Variants in SLC6A12 observed in about 807,000 individuals in gnomAD.
The protein encoded by SLC6A12 is sodium- and chloride-dependent betaine transporter.
A neutral mutation model predicts 73.3 loss-of-function variants in SLC6A12; 50 were observed. The ratio of observed to expected loss-of-function variants is 0.68; its 90% CI spans 0.54 to 0.86. The LOEUF (loss-of-function observed/expected upper bound fraction) is 0.86. Among genes scored for constraint, SLC6A12 ranks in the 40% least tolerant of loss-of-function variants. The pLI is 0.00. For missense variants in SLC6A12, 648 were observed against 772.8 expected, an observed-to-expected ratio of 0.84 and a Z score of 1.92; for synonymous variants, 304 against 309.2, an observed-to-expected ratio of 0.98 and a Z score of 0.18.
chr12:203,791 C>T (rs1242538017), intron 4 of SLC6A12: 2 of 146,026 alleles, frequency 1.4e-5, no homozygotes, highest in African/African-American at 5.0e-5. Context: ...AGAAGGGGCT[C>T]GCGGGGGAGC....
At position 191,053 on chromosome 12, in the gene SLC6A12, G is replaced by A; in HGVS notation, c.*15C>T. On this transcript the variant is annotated 3_prime_UTR_variant, in exon 16 of 16. Transcript: ENST00000684302. ...AGGTTCCCGGCTTAGGAGCCGCCTG[G>A]CCTCTGGCCACACCCTACAAATGGG... is the stretch of plus-strand genomic sequence containing the variant. 2 of 1,304,292 alleles carry A rather than the reference G, an allele frequency of 1.5e-6. No homozygotes were observed. The highest frequency in any genetic ancestry group is 2.0e-6 in the Non-Finnish European group (2 of 1,016,412). The allele number at this position is 1,304,292 out of a possible 1,614,324, so 80.8% of individuals were successfully genotyped here. A position where few individuals can be genotyped will look rare whatever the true frequency, so the allele number is the denominator to read the frequency against.
chr12:200,755 T>C lies in SLC6A12; in HGVS notation c.607A>G (p.Ile203Val), dbSNP rs143648821. The C allele has an allele frequency of 2.9e-4, 475 of 1,613,972 alleles. 1 individual carries two copies. Among genetic ancestry groups the C allele is most frequent in the Non-Finnish European group, 3.5e-4 (417 of 1,179,942 alleles). ...CAGCGCAGGGAGCCCAGGTCATGGA[T>C]GCCCGAGGTGATGCCCAGAACTCGT... ...ERRVLGITSGIHDLGSLRWEL... is the reference protein window; with the variant it reads ...ERRVLGITSGVHDLGSLRWEL... The change falls in exon 7 of 16, where the codon ATC becomes GTC. Residue 203 changes from isoleucine to valine, a missense_variant. Physicochemically the swap from Ile to Val is conservative, Grantham distance 29. Coordinates refer to ENST00000684302, the MANE Select transcript of SLC6A12 (RefSeq NM_001122848.3).
chr12:210,066 G>A (rs1367921507), intron 2 of SLC6A12, 23 bp from the exon 3 acceptor site: 3 of 1,554,760 alleles, frequency 1.9e-6, no homozygotes, highest in South Asian at 2.4e-5. Flanking sequence ...GAAGAAATTA[G>A]CTGTAAAACC....
chr12:202,371 T>C (rs1940316865), intron 5 of SLC6A12, among the ~76,000 whole-genome samples: 1 of 152,244 alleles, frequency 6.6e-6, no homozygotes, highest in African/African-American at 2.4e-5. Context: ...CACCAGACTG[T>C]AAACACAGTG....
chr12:195,340 C>A lies in SLC6A12; in HGVS notation c.1327-13G>T. The A allele has an allele frequency of 6.4e-7, 1 of 1,561,398 alleles. No individual in the cohort carries two copies. Among genetic ancestry groups the A allele is most frequent in the Non-Finnish European group, 8.8e-7 (1 of 1,131,962 alleles). On this transcript the variant is annotated splice_polypyrimidine_tract_variant and intron_variant, in intron 12 of 15. Coordinates refer to ENST00000684302, the MANE Select transcript of SLC6A12 (RefSeq NM_001122848.3). ...TGTACATCCCGCCCTGTGGGGAGAG[C>A]GTGGAGCTGGGGCATGGCCAGTGCA...
chr12:207,538 CTAAT>C (rs1362083602), intron 3 of SLC6A12, among the ~76,000 whole-genome samples: 2 of 152,116 alleles, frequency 1.3e-5, no homozygotes, highest in African/African-American at 4.8e-5. Context: ...ACTATGTTTA[CTAAT>C]TAATAATCAA....
intron 1 of SLC6A12, among the ~76,000 whole-genome samples, chr12:212,461 G>A (rs1260137746): frequency 1.3e-5 from 2 of 152,106 alleles, no homozygotes; most frequent in African/African-American, 2.4e-5. Context: ...CAGAAATAGG[G>A]GAAGTGCAAA....
chr12:198,787 C>T lies in SLC6A12; in HGVS notation c.846+10G>A, dbSNP rs768452651. 39 of 1,613,596 alleles carry T rather than the reference C, an allele frequency of 2.4e-5. No homozygotes were observed. Among genetic ancestry groups the T allele is most frequent in the African/African-American group, 1.5e-4 (11 of 74,920 alleles). Reference sequence around the variant, plus strand: ...GGCACCTGGGGAAGTGGTCCCAGCACGGTACATACCTGAGGGTCCTTGAGG... The same window carrying T: ...GGCACCTGGGGAAGTGGTCCCAGCATGGTACATACCTGAGGGTCCTTGAGG... On this transcript the variant is annotated intron_variant, in intron 8 of 15. Transcript: ENST00000684302. This position sits in a 1 kb window ranked among gnomAD's most constrained non-coding sequence, Gnocchi z 4.0.
At chr12:199,220 T>C (rs530929241) in intron 7 of SLC6A12, among the ~76,000 whole-genome samples, 2 of 152,334 alleles carry the variant, frequency 1.3e-5, no homozygotes, top group East Asian at 3.9e-4. Context: ...CCAAGACCAT[T>C]TTTTTCCTCT....
rs1044859657 is a variant in SLC6A12 at position 209,980 on chromosome 12, C to G, written c.7G>C (p.Gly3Arg). The G allele has an allele frequency of 6.2e-7, 1 of 1,614,068 alleles. No homozygotes were observed. Among genetic ancestry groups the G allele is most frequent in the African/African-American group, 1.3e-5 (1 of 75,050 alleles). ...CCACACTCTTGCACTGCCACCTTCC[C>G]GTCCATGGCTGTGTGGTGGGTTGGG... is the stretch of plus-strand genomic sequence containing the variant. The part of the protein sequence containing the change: MD[G>R]KVAVQECGPP... Residue 3 changes from glycine (G) to arginine (R), a missense_variant, in exon 3 of 16, where the codon GGG becomes CGG. By Grantham distance (125) the Gly-to-Arg change is moderately radical (BLOSUM62 -2). Transcript: ENST00000684302.
At chr12:202,670 G>C in intron 5 of SLC6A12, 70 bp downstream of exon 5, 4 of 1,506,674 alleles carry the variant, frequency 2.7e-6, no homozygotes, top group Non-Finnish European at 3.6e-6. Context: ...CCCCGTCGTT[G>C]CTTGGATTCA....
chr12:212,891 A>AG (rs148939393), intron 1 of SLC6A12, among the ~76,000 whole-genome samples: 2 of 152,070 alleles, frequency 1.3e-5, no homozygotes, highest in South Asian at 2.1e-4. Flanking sequence ...AAGCCGGGAC[A>AG]GGGGGGTGAG....
At chr12:191,628 T>C (rs1358692863) in intron 15 of SLC6A12, among the ~76,000 whole-genome samples, 3 of 152,204 alleles carry the variant, frequency 2.0e-5, no homozygotes, top group Non-Finnish European at 4.4e-5. Context: ...AAGTATCTAT[T>C]ATTTTTCTTC....
At chr12:202,985 C>A in intron 4 of SLC6A12, 105 bp from the exon 5 acceptor site, 2 of 836,660 alleles carry the variant, frequency 2.4e-6, no homozygotes, top group Non-Finnish European at 1.9e-6. Flanking sequence ...GGGTGCTACA[C>A]AAAGAGCACC....
At chr12:186,677 T>TC (rs1053074129), downstream of SLC6A12, among the ~76,000 whole-genome samples, 4 of 152,324 alleles carry the variant, frequency 2.6e-5, no homozygotes, top group African/African-American at 4.8e-5. Flanking sequence ...GGGCCAACTG[T>TC]CCCCCCAGAC....
At chr12:192,763 G>A in intron 14 of SLC6A12, 115 bp from the exon 15 acceptor site, 1 of 958,726 alleles carries the variant, frequency 1.0e-6, no homozygotes, top group Non-Finnish European at 1.6e-6. Context: ...ACGTCTGTAA[G>A]GTGGAAGAGT....
downstream of SLC6A12, among the ~76,000 whole-genome samples, chr12:187,489 T>G (rs1285352259): frequency 1.3e-5 from 2 of 150,952 alleles, no homozygotes; most frequent in African/African-American, 4.9e-5. Context: ...GTCTCGCTGG[T>G]TTCAGAAGTA....
In SLC6A12 at chr12:202,890, T is replaced by C; in HGVS notation, c.350-10A>G. ...GATGCCAGACCAATGCCTTCCAGAG[T>C]GGGGGAGAGATGGGGAGGGACAAGA... is the stretch of plus-strand genomic sequence containing the variant. On this transcript the variant is annotated splice_polypyrimidine_tract_variant and intron_variant, in intron 4 of 15. Transcript: ENST00000684302. 1 of 1,612,104 alleles carries C rather than the reference T, an allele frequency of 6.2e-7. No individual in the cohort carries two copies. Among genetic ancestry groups the C allele is most frequent in the Non-Finnish European group, 8.5e-7 (1 of 1,179,306 alleles).
In SLC6A12 at chr12:196,811, G is replaced by T; in HGVS notation, c.1147C>A (p.Leu383Met). 3 of 1,613,882 alleles carry T rather than the reference G, an allele frequency of 1.9e-6. No homozygotes were observed. Among genetic ancestry groups the T allele is most frequent in the Non-Finnish European group, 2.5e-6 (3 of 1,179,874 alleles). ...MMPLSQLWSC[L>M]FFIMLIFLGL... ...AGGAATATGAGCATGATAAAGAACAGGCAGGACCACAGCTGGGATAAGGGC... is the reference window on the plus strand; with the variant it reads ...AGGAATATGAGCATGATAAAGAACATGCAGGACCACAGCTGGGATAAGGGC... Residue 383 changes from leucine (L) to methionine (M), a missense_variant, in exon 11 of 16, where the codon CTG (leucine) becomes ATG (methionine). Leu to Met is a conservative substitution (Grantham distance 15). Coordinates refer to ENST00000684302, the MANE Select transcript of SLC6A12 (RefSeq NM_001122848.3).
Sources: gnomAD v4.1 joint callset for allele counts (sites outside exome capture counted in the v4.1 genomes callset) on GRCh38, gnomAD v4.1.1 for gene constraint, Gnocchi (gnomAD v3.1) non-coding constraint, MANE v1.5 for transcripts, NCBI Gene and HGNC (gene_info 2026-07-23, HGNC 2026-07-21) for gene names.